UNC13C: variants seen among roughly 807,000 people sequenced by gnomAD.
UNC13C encodes unc-13 homolog C, also known as protein unc-13 homolog C.
UNC13C carries 174 observed loss-of-function variants against 245.4 expected under a neutral mutation model. That is an observed-to-expected ratio of 0.71 (90% CI 0.63 to 0.80). The LOEUF (loss-of-function observed/expected upper bound fraction) is 0.80, where lower values mean the gene tolerates loss of function less well. UNC13C is among the 30% of genes least tolerant of loss of function. The pLI is 0.00. For synonymous variants in UNC13C, 992 were observed against 895.1 expected, an observed-to-expected ratio of 1.11 and a Z score of -1.93; for missense variants, 2,829 against 2,602.9, an observed-to-expected ratio of 1.09 and a Z score of -1.89.
intron 19 of UNC13C, among the ~76,000 whole-genome samples, chr15:54,440,446 T>A (rs1285183400): frequency 6.6e-6 from 1 of 152,010 alleles, no homozygotes; most frequent in Non-Finnish European, 1.5e-5. Context: ...CCTAACATAA[T>A]GACCTCCAGT....
At chr15:53,886,791 C>T in the UNC13C span, among the ~76,000 whole-genome samples, 1 of 152,096 alleles carries the variant, frequency 6.6e-6, no homozygotes, top group Non-Finnish European at 1.5e-5. Context: ...AGTAGGTACC[C>T]TTGTTATGAC....
At chr15:54,316,137 G>C (rs1006469566) in intron 13 of UNC13C, among the ~76,000 whole-genome samples, 2 of 151,846 alleles carry the variant, frequency 1.3e-5, no homozygotes, top group Non-Finnish European at 2.9e-5. Context: ...TTTACTCTAA[G>C]ATTTTGAACT....
chr15:54,353,047 A>C (rs1378957900), intron 17 of UNC13C, among the ~76,000 whole-genome samples: 1 of 152,194 alleles, frequency 6.6e-6, no homozygotes, highest in Non-Finnish European at 1.5e-5. Context: ...TGTCTCATAC[A>C]GGAAAAAGGA....
intron 14 of UNC13C, among the ~76,000 whole-genome samples, chr15:54,324,766 A>T (rs1176176491): frequency 6.6e-6 from 1 of 152,064 alleles, no homozygotes; most frequent in Non-Finnish European, 1.5e-5. Context: ...AAATTAGCCC[A>T]TTGAATTTGG....
chr15:54,136,060 T>G (rs1437556240), intron 2 of UNC13C, among the ~76,000 whole-genome samples: 2 of 152,212 alleles, frequency 1.3e-5, no homozygotes, highest in Non-Finnish European at 2.9e-5. Flanking sequence ...TCTTATAGTT[T>G]CCAGTGTACA....
intron 11 of UNC13C, among the ~76,000 whole-genome samples, chr15:54,294,872 A>C (rs916980326): frequency 1.3e-5 from 2 of 152,202 alleles, no homozygotes; most frequent in African/African-American, 4.8e-5. Flanking sequence ...ACAAATTAAA[A>C]AGTGCTTTTG....
chr15:54,395,074 C>A (rs1016358739), intron 18 of UNC13C, among the ~76,000 whole-genome samples: 5 of 151,800 alleles, frequency 3.3e-5, no homozygotes, highest in African/African-American at 9.6e-5. Context: ...CCTGAAAAAA[C>A]CAAATGCCTT....
At chr15:54,305,496 C>G (rs1393737580) in intron 13 of UNC13C, among the ~76,000 whole-genome samples, 1 of 150,220 alleles carries the variant, frequency 6.7e-6, no homozygotes, top group Non-Finnish European at 1.5e-5. Flanking sequence ...TGGCCAAGCA[C>G]TAACTCAACT....
intron 4 of UNC13C, among the ~76,000 whole-genome samples, chr15:54,200,842 GAAAC>G (rs1456031703): frequency 3.3e-5 from 5 of 151,958 alleles, no homozygotes; most frequent in African/African-American, 7.2e-5. Context: ...AAATGAAACT[GAAAC>G]AAACAAACAA....
intron 15 of UNC13C, among the ~76,000 whole-genome samples, chr15:54,333,200 T>C (rs1396188463): frequency 6.6e-6 from 1 of 152,110 alleles, no homozygotes; most frequent in Non-Finnish European, 1.5e-5. Flanking sequence ...TAACTTTTCA[T>C]TCCTTCAAAA....
At chr15:54,447,513 G>T (rs1260632342) in intron 19 of UNC13C, among the ~76,000 whole-genome samples, 1 of 152,184 alleles carries the variant, frequency 6.6e-6, no homozygotes, top group South Asian at 2.1e-4. Flanking sequence ...GGATGTATGT[G>T]TTGAGGAATT....
At chr15:54,204,872 G>A (rs1004200692) in intron 4 of UNC13C, among the ~76,000 whole-genome samples, 1 of 151,958 alleles carries the variant, frequency 6.6e-6, no homozygotes. Context: ...AAATACATGA[G>A]TGATTTTTAT....
At chr15:54,352,367 G>GAA (rs2039004368) in intron 17 of UNC13C, among the ~76,000 whole-genome samples, 1 of 147,950 alleles carries the variant, frequency 6.8e-6, no homozygotes, top group African/African-American at 2.5e-5. Flanking sequence ...GAGAGAGAGA[G>GAA]TGAGTCAGGT....
chr15:54,485,694 C>G (rs903529369), intron 19 of UNC13C, among the ~76,000 whole-genome samples: 1 of 152,212 alleles, frequency 6.6e-6, no homozygotes, highest in African/African-American at 2.4e-5. Flanking sequence ...CCGGGTTTCT[C>G]TCTGAACCCA....
chr15:53,878,115 C>T, the UNC13C span, among the ~76,000 whole-genome samples: 2 of 152,060 alleles, frequency 1.3e-5, no homozygotes, highest in African/African-American at 4.8e-5. Flanking sequence ...TGGTTTGTCT[C>T]ATTTGTCTTC....
At chr15:54,305,460 T>A (rs1299552067) in intron 13 of UNC13C, among the ~76,000 whole-genome samples, 1 of 152,074 alleles carries the variant, frequency 6.6e-6, no homozygotes, top group Non-Finnish European at 1.5e-5. Context: ...TGCAATTGAA[T>A]TGTAACTTGA....
At chr15:53,913,805 C>G in the UNC13C span, 1 of 152,222 alleles carries the variant, frequency 6.6e-6, no homozygotes, top group Non-Finnish European at 1.5e-5. Flanking sequence ...TTCTCCCATT[C>G]CTAATAGGGC....
chr15:54,022,259 T>G (rs1226019496), intron 2 of UNC13C, among the ~76,000 whole-genome samples: 4 of 152,246 alleles, frequency 2.6e-5, no homozygotes, highest in Non-Finnish European at 5.9e-5. Context: ...ATTATTCATC[T>G]TTTTGATCGT....
At chr15:54,411,281 C>A (rs867151951) in intron 18 of UNC13C, among the ~76,000 whole-genome samples, 20 of 151,996 alleles carry the variant, frequency 1.3e-4, no homozygotes, top group Middle Eastern at 6.8e-3. Context: ...TTTTTTCTCC[C>A]TGTTTGTGGC....
Sources: gnomAD v4.1 joint callset for allele counts (sites outside exome capture counted in the v4.1 genomes callset) on GRCh38, gnomAD v4.1.1 for gene constraint, MANE v1.5 for transcripts, NCBI Gene and HGNC (gene_info 2026-07-23, HGNC 2026-07-21) for gene names.